EYS: variants seen among roughly 807,000 people sequenced by gnomAD.
The protein encoded by EYS is protein eyes shut homolog.
EYS carries 250 observed loss-of-function variants against 282.1 expected under a neutral mutation model. The ratio of observed to expected loss-of-function variants is 0.89; its 90% CI spans 0.80 to 0.98. The LOEUF is 0.98. Among genes scored for constraint, EYS ranks in the 50% least tolerant of loss-of-function variants. The probability of loss-of-function intolerance (pLI) is 0.00; values close to 1 mark genes in which losing one functional copy is unlikely to be tolerated. For missense variants in EYS, 4,016 were observed against 3,709.0 expected, an observed-to-expected ratio of 1.08 and a Z score of -2.15; for synonymous variants, 1,355 against 1,282.9, an observed-to-expected ratio of 1.06 and a Z score of -1.20.
intron 12 of EYS, among the ~76,000 whole-genome samples, chr6:65,196,538 A>C (rs1765770252): frequency 6.6e-6 from 1 of 152,116 alleles, no homozygotes; most frequent in Non-Finnish European, 1.5e-5. Flanking sequence ...TTGAGCACTT[A>C]TCTTGTACCA....
intron 12 of EYS, among the ~76,000 whole-genome samples, chr6:65,103,820 A>G (rs190856751): frequency 3.5e-4 from 53 of 151,536 alleles, no homozygotes; most frequent in Admixed American, 3.4e-3. Flanking sequence ...TATAGCATTA[A>G]TAGTCACCCC....
intron 2 of EYS, among the ~76,000 whole-genome samples, chr6:65,531,071 C>T (rs757553537): frequency 1.2e-4 from 18 of 152,046 alleles, no homozygotes; most frequent in African/African-American, 1.4e-4. Flanking sequence ...GTGTTTTTTA[C>T]GGCACAATGG....
chr6:64,585,787 C>T (rs747422246), intron 26 of EYS, among the ~76,000 whole-genome samples: 5 of 152,044 alleles, frequency 3.3e-5, no homozygotes, highest in African/African-American at 4.8e-5. Flanking sequence ...CTATTCAACA[C>T]TTTCTTGGTT....
intron 33 of EYS, among the ~76,000 whole-genome samples, chr6:64,010,901 G>C (rs1209873541): frequency 1.3e-5 from 2 of 151,928 alleles, no homozygotes; most frequent in Non-Finnish European, 2.9e-5. Flanking sequence ...TCTCTTCCTG[G>C]GCTGGCAGCT....
At chr6:64,070,083 TG>T (rs1358529990) in intron 32 of EYS, among the ~76,000 whole-genome samples, 1 of 152,062 alleles carries the variant, frequency 6.6e-6, no homozygotes, top group Non-Finnish European at 1.5e-5. Context: ...CAAAATGTTA[TG>T]GGAAGAGGAG....
chr6:64,195,309 A>G (rs1440939123), intron 31 of EYS, among the ~76,000 whole-genome samples: 2 of 152,168 alleles, frequency 1.3e-5, no homozygotes, highest in East Asian at 3.9e-4. Context: ...TCTTTTGAAA[A>G]TTATTTCTTA....
rs191342464 is a variant in EYS, at chr6:65,098,152, G to A, written c.2024-40425C>T. Among the ~76,000 whole-genome samples, 252 of 150,704 alleles carry A rather than the reference G, an allele frequency of 1.7e-3. 2 individuals are homozygous for A. Among genetic ancestry groups the A allele is most frequent in the African/African-American group, 5.8e-3 (242 of 41,370 alleles). ...AATGAAAAAAGATTCTAAGGAAGAG[G>A]CGCAATATAAGAATGCTTTTCTTTT... is the stretch of plus-strand genomic sequence containing the variant. On this transcript the variant is annotated intron_variant, in intron 12 of 42. Coordinates refer to ENST00000503581, the MANE Select transcript of EYS (RefSeq NM_001142800.2).
At chr6:65,255,566 A>G (rs990573047) in intron 12 of EYS, among the ~76,000 whole-genome samples, 1 of 152,046 alleles carries the variant, frequency 6.6e-6, no homozygotes, top group Non-Finnish European at 1.5e-5. Context: ...CAACTAAGTG[A>G]AGAAACAATA....
chr6:64,341,534 G>T lies in EYS; in HGVS notation c.6079-34452C>A, dbSNP rs562272405. On this transcript the variant is annotated intron_variant, in intron 29 of 42. Coordinates refer to ENST00000503581, the MANE Select transcript of EYS (RefSeq NM_001142800.2). ...AAATATGAGAACAACAGGCGCTATG[G>T]ACTACTAGAGGGAGGAGGATGAGAG... is the stretch of plus-strand genomic sequence containing the variant. 4.9e-4 allele frequency among the ~76,000 whole-genome samples: 75 copies of T among 151,798 alleles called. 2 individuals are homozygous for T. In the South Asian group the frequency reaches 0.015, roughly 29 times the overall value.
intron 2 of EYS, among the ~76,000 whole-genome samples, chr6:65,542,584 G>A (rs1308439746): frequency 6.6e-6 from 1 of 151,246 alleles, no homozygotes; most frequent in Non-Finnish European, 1.5e-5. Flanking sequence ...AGAATATTTG[G>A]TCTTGACAGC....
intron 15 of EYS, among the ~76,000 whole-genome samples, chr6:64,923,310 C>T (rs1241573705): frequency 6.6e-6 from 1 of 152,146 alleles, no homozygotes; most frequent in Non-Finnish European, 1.5e-5. Flanking sequence ...TCCCATGAGA[C>T]TTAATGACTA....
chr6:64,540,782 C>A (rs974681953), intron 26 of EYS, among the ~76,000 whole-genome samples: 5 of 152,138 alleles, frequency 3.3e-5, no homozygotes, highest in African/African-American at 1.2e-4. Flanking sequence ...TCATGCCCAG[C>A]CTACAGGTTC....
chr6:63,875,105 G>T (rs1772932840), intron 35 of EYS, among the ~76,000 whole-genome samples: 1 of 152,082 alleles, frequency 6.6e-6, no homozygotes, highest in Non-Finnish European at 1.5e-5. Context: ...ATTGGCTGTG[G>T]GTTTGTCATA....
rs1331008099 is a variant in EYS, at chr6:65,542,478, T to C, written c.-332-46485A>G. Among the ~76,000 whole-genome samples, 31 of 46,132 alleles carry C rather than the reference T, an allele frequency of 6.7e-4. No homozygotes were observed. In the South Asian group the frequency reaches 0.023, roughly 34 times the overall value. The allele number at this position is 46,132 out of a possible 152,430, so 30.3% of individuals were successfully genotyped here. A position where few individuals can be genotyped will look rare whatever the true frequency, so the allele number is the denominator to read the frequency against. On this transcript the variant is annotated intron_variant, in intron 2 of 42. Coordinates refer to ENST00000503581, the MANE Select transcript of EYS (RefSeq NM_001142800.2). ...TGGCTATGGATAACAATAGAATGTGTGTGTGTGTGTGTGTGTGTGTGTGTG... is the reference window on the plus strand; with the variant it reads ...TGGCTATGGATAACAATAGAATGTGCGTGTGTGTGTGTGTGTGTGTGTGTG...
chr6:64,016,603 G>A (rs1384446815), intron 33 of EYS, among the ~76,000 whole-genome samples: 2 of 151,390 alleles, frequency 1.3e-5, no homozygotes, highest in Non-Finnish European at 2.9e-5. Flanking sequence ...AGACTCCCAA[G>A]TAGCTGGGAC....
chr6:65,185,899 T>C (rs886450103), intron 12 of EYS, among the ~76,000 whole-genome samples: 1 of 151,758 alleles, frequency 6.6e-6, no homozygotes, highest in African/African-American at 2.4e-5. Context: ...ACTATGTCCA[T>C]GATATACACT....
chr6:64,296,715 T>C (rs896769571), intron 30 of EYS, among the ~76,000 whole-genome samples: 1 of 150,234 alleles, frequency 6.7e-6, no homozygotes, highest in Non-Finnish European at 1.5e-5. Flanking sequence ...CAAGCAATTC[T>C]CCTGCCTCAG....
intron 29 of EYS, among the ~76,000 whole-genome samples, chr6:64,348,952 G>C (rs1482170096): frequency 6.6e-6 from 1 of 151,348 alleles, no homozygotes; most frequent in African/African-American, 2.4e-5. Flanking sequence ...GTTTTACCCA[G>C]TGCTTTTATT....
intron 35 of EYS, among the ~76,000 whole-genome samples, chr6:63,940,340 T>G (rs1444151150): frequency 6.6e-6 from 1 of 152,106 alleles, no homozygotes; most frequent in East Asian, 1.9e-4. Flanking sequence ...AAAGGAAATT[T>G]GTGAAGCTGT....
Sources: allele counts gnomAD v4.1 joint callset (sites outside exome capture counted in the v4.1 genomes callset), GRCh38; gene constraint gnomAD v4.1.1; transcripts MANE v1.5; gene names NCBI Gene and HGNC (gene_info 2026-07-23, HGNC 2026-07-21).